LRRC52: variants seen among roughly 807,000 people sequenced by gnomAD.
The protein encoded by LRRC52 is leucine rich repeat containing 52.
LRRC52 carries 15 observed loss-of-function variants against 14.7 expected under a neutral mutation model. That is an observed-to-expected ratio of 1.02 (90% CI 0.68 to 1.58). The LOEUF (loss-of-function observed/expected upper bound fraction) is 1.58, where lower values mean the gene tolerates loss of function less well. Ranked by LOEUF, LRRC52 falls within the 40% of genes most tolerant of loss-of-function variation. The pLI, the probability that LRRC52 is intolerant of heterozygous loss-of-function variation, is 0.00. For missense variants in LRRC52, 400 were observed against 387.7 expected (o/e 1.03, Z -0.27); for synonymous variants, 180 against 163.9 (o/e 1.10, Z -0.75).
At position 165,547,708 on chromosome 1, in the gene LRRC52, G is replaced by A. The variant is rs184463707; in HGVS notation, c.622+2790G>A. On this transcript the variant is annotated intron_variant, in intron 1 of 1. Transcript: ENST00000294818. ...TAAATACATACTTACATACCCACAC[G>A]TATATACCATTTATACATACATACC... Among the ~76,000 whole-genome samples the A allele has an allele frequency of 3.0e-3, 458 of 152,014 alleles. 3 individuals carry two copies. The highest frequency in any genetic ancestry group is 0.011 in the African/African-American group (443 of 41,434).
chr1:165,561,325 C>T lies in LRRC52; in HGVS notation c.623-2180C>T, dbSNP rs560446522. ...TGAGATAAACCCCCCTAGACACATC[C>T]CAGACCCTCCGAATCCCATGTTTGC... On this transcript the variant is annotated intron_variant, in intron 1 of 1. Coordinates refer to ENST00000294818, the MANE Select transcript of LRRC52 (RefSeq NM_001005214.4). Among the ~76,000 whole-genome samples the T allele has an allele frequency of 5.9e-5, 9 of 152,324 alleles. No individual in the cohort carries two copies. The South Asian group carries it at 1.9e-3, about 32-fold the overall frequency.
intron 1 of LRRC52, among the ~76,000 whole-genome samples, chr1:165,548,416 G>A (rs533326656): frequency 4.1e-4 from 63 of 152,312 alleles, no homozygotes; most frequent in African/African-American, 1.4e-3. Context: ...GGAGACTTAC[G>A]TAACTCTAGG....
At chr1:165,556,752 G>T (rs1047460114) in intron 1 of LRRC52, among the ~76,000 whole-genome samples, 2 of 152,190 alleles carry the variant, frequency 1.3e-5, no homozygotes, top group South Asian at 2.1e-4. Flanking sequence ...GAAAGGCAAA[G>T]GTAGAAGCCA....
At position 165,544,263 on chromosome 1, in the gene LRRC52, G is replaced by A; in HGVS notation, c.-34G>A. 6.3e-7 allele frequency: 1 copy of A among 1,584,240 alleles called. No homozygotes were observed. The highest frequency in any genetic ancestry group is 8.6e-7 in the Non-Finnish European group (1 of 1,163,782). On this transcript the variant is annotated 5_prime_UTR_variant, in exon 1 of 2. Transcript: ENST00000294818. ...TCGGATCAGAGGACAGAGCCCGCAG[G>A]AAGGTGAAAGGAGGGTGGTTGTGGC...
chr1:165,553,179 G>C (rs1661168988), intron 1 of LRRC52, among the ~76,000 whole-genome samples: 1 of 152,218 alleles, frequency 6.6e-6, no homozygotes, highest in African/African-American at 2.4e-5. Flanking sequence ...AAGTACAGAA[G>C]CTTTGGGGAA....
chr1:165,555,273 A>T (rs1661209245), intron 1 of LRRC52, among the ~76,000 whole-genome samples: 2 of 152,198 alleles, frequency 1.3e-5, no homozygotes, highest in African/African-American at 4.8e-5. Flanking sequence ...CAGAGAACTG[A>T]AATAAAGTGA....
intron 1 of LRRC52, among the ~76,000 whole-genome samples, chr1:165,557,234 T>C (rs1480146020): frequency 6.6e-6 from 1 of 152,208 alleles, no homozygotes; most frequent in Non-Finnish European, 1.5e-5. Context: ...GAGGTGCTCT[T>C]CCCAGTTCAA....
At chr1:165,549,551 C>A (rs1168204052) in intron 1 of LRRC52, among the ~76,000 whole-genome samples, 1 of 152,158 alleles carries the variant, frequency 6.6e-6, no homozygotes, top group Non-Finnish European at 1.5e-5. Flanking sequence ...GACAAGTGTC[C>A]TTAAGCCTTT....
At chr1:165,551,274 G>A (rs138039891) in intron 1 of LRRC52, among the ~76,000 whole-genome samples, 1 of 152,232 alleles carries the variant, frequency 6.6e-6, no homozygotes, top group Non-Finnish European at 1.5e-5. Flanking sequence ...AAACTCTAAT[G>A]AGCACAAGAA....
chr1:165,559,205 A>T (rs1223432989), intron 1 of LRRC52, among the ~76,000 whole-genome samples: 2 of 152,164 alleles, frequency 1.3e-5, no homozygotes, highest in Non-Finnish European at 2.9e-5. Flanking sequence ...CCTGGCCAAC[A>T]TGGTGAAATC....
intron 1 of LRRC52, among the ~76,000 whole-genome samples, chr1:165,556,832 C>T (rs762920749): frequency 2.0e-5 from 3 of 152,214 alleles, no homozygotes; most frequent in Non-Finnish European, 4.4e-5. Flanking sequence ...GGCCAGTTGG[C>T]TTTGGTGTTC....
chr1:165,556,311 G>A (rs886258687), intron 1 of LRRC52, among the ~76,000 whole-genome samples: 7 of 152,112 alleles, frequency 4.6e-5, no homozygotes, highest in Non-Finnish European at 8.8e-5. Context: ...CTTGCTAAAC[G>A]TCAAGGTCTC....
rs768605936 is a variant in LRRC52 at position 165,563,562 on chromosome 1, G to A, written c.680G>A (p.Arg227Gln). 55 of 1,614,062 alleles carry A rather than the reference G, an allele frequency of 3.4e-5. No homozygotes were observed. The highest frequency in any genetic ancestry group is 4.1e-5 in the Non-Finnish European group (48 of 1,180,040). ...GAGCTGACAGGGTGGCCCATCACCC[G>A]GGTGGGGAACCCACTCCGATACATG... ...PTELTGWPIT[R>Q]VGNPLRYMCI... Residue 227 changes from arginine (R) to glutamine (Q), a missense_variant, in exon 2 of 2, where the codon CGG becomes CAG. Transcript: ENST00000294818.
At position 165,544,883 on chromosome 1, in the gene LRRC52, C is replaced by T. The variant is rs763171661; in HGVS notation, c.587C>T (p.Ala196Val). 2.5e-6 allele frequency: 4 copies of T among 1,614,026 alleles called. No individual in the cohort carries two copies. The highest frequency in any genetic ancestry group is 1.1e-5 in the South Asian group (1 of 91,072). The change falls in exon 1 of 2, where the codon GCC becomes GTC. Residue 196 changes from alanine to valine, a missense_variant. Ala to Val is a moderately conservative substitution (Grantham distance 64). Transcript: ENST00000294818. ...WKCNCSFLDFAIFLIVFHMDP... is the reference protein window; with the variant it reads ...WKCNCSFLDFVIFLIVFHMDP... ...TGCAACTGCTCTTTCCTGGACTTCG[C>T]CATCTTCTTAATAGTGTTCCATATG...
chr1:165,544,210 C>CCCCCCCCCCCCCCCCCA lies in LRRC52; in HGVS notation c.-84_-83insCCCCCCCCCCCCCACCC. 3 of 1,087,668 alleles carry CCCCCCCCCCCCCCCCCA rather than the reference C, an allele frequency of 2.8e-6. No individual in the cohort carries two copies. Among genetic ancestry groups the CCCCCCCCCCCCCCCCCA allele is most frequent in the Admixed American group, 2.4e-5 (1 of 41,106 alleles). The allele number at this position is 1,087,668 out of a possible 1,614,324, so 67.4% of individuals were successfully genotyped here. A position where few individuals can be genotyped will look rare whatever the true frequency, so the allele number is the denominator to read the frequency against. ...GTTACAGTTCTTTCCAGAGCCCCTC[C>CCCCCCCCCCCCCCCCCA]CCCGCCCCACCCCCCCACCGGCAGC... On this transcript the variant is annotated 5_prime_UTR_variant, in exon 1 of 2. Transcript: ENST00000294818.
At chr1:165,549,084 T>A (rs980303699) in intron 1 of LRRC52, among the ~76,000 whole-genome samples, 1 of 152,174 alleles carries the variant, frequency 6.6e-6, no homozygotes, top group African/African-American at 2.4e-5. Context: ...ACAGGACAAG[T>A]CTATGTCACA....
Position 165,544,812 on chromosome 1 carries a change from CCTCACTACT to C in LRRC52, c.519_527del (p.Thr174_Leu176del). The stretch of plus-strand genomic sequence containing the variant: ...CCCTGGACAGTGCTGCCTTATACCA[CCTCACTACT>C]CTGGAGACCCTGTTTCTGAGTGGAA... On this transcript the variant is annotated inframe_deletion, in exon 1 of 2. Transcript: ENST00000294818. 13 of 1,614,120 alleles carry C rather than the reference CCTCACTACT, an allele frequency of 8.1e-6. No homozygotes were observed. The highest frequency in any genetic ancestry group is 1.1e-5 in the Non-Finnish European group (13 of 1,180,034).
chr1:165,562,893 G>A (rs78906931), intron 1 of LRRC52, among the ~76,000 whole-genome samples: 24,095 of 151,794 alleles, frequency 0.16, 2,062 homozygotes, highest in South Asian at 0.22. Context: ...GACTTGCTCC[G>A]GGGGGAAAGT....
rs982026224 is a variant in LRRC52, at chr1:165,563,591, A to T, written c.709A>T (p.Ile237Phe). 2 of 1,614,138 alleles carry T rather than the reference A, an allele frequency of 1.2e-6. No homozygotes were observed. Among genetic ancestry groups the T allele is most frequent in the Non-Finnish European group, 1.7e-6 (2 of 1,180,052 alleles). ...GGGGAACCCACTCCGATACATGTGC[A>T]TCACGCACCTGGACCACAAAGACTA... Reference protein sequence around the residue: ...RVGNPLRYMCITHLDHKDYIF... With the variant: ...RVGNPLRYMCFTHLDHKDYIF... The change falls in exon 2 of 2, where the codon ATC becomes TTC. Residue 237 changes from isoleucine (I) to phenylalanine (F), a missense_variant. By Grantham distance (21) the Ile-to-Phe change is conservative (BLOSUM62 0). Transcript: ENST00000294818.
Sources: gnomAD v4.1 joint callset for allele counts (sites outside exome capture counted in the v4.1 genomes callset) on GRCh38, gnomAD v4.1.1 for gene constraint, MANE v1.5 for transcripts, NCBI Gene and HGNC (gene_info 2026-07-23, HGNC 2026-07-21) for gene names.